SLC8A1: variants seen among roughly 807,000 people sequenced by gnomAD.
SLC8A1 encodes solute carrier family 8 member A1.
A neutral mutation model predicts 68.3 loss-of-function variants in SLC8A1; 18 were observed. That is an observed-to-expected ratio of 0.26 (90% CI 0.18 to 0.39). The LOEUF (loss-of-function observed/expected upper bound fraction) is 0.39. Among genes scored for constraint, SLC8A1 ranks in the 10% least tolerant of loss-of-function variants. SLC8A1 has a pLI of 1.00. For missense variants in SLC8A1, 985 were observed against 1,156.7 expected, an observed-to-expected ratio of 0.85 and a Z score of 2.15; for synonymous variants, 475 against 415.5, an observed-to-expected ratio of 1.14 and a Z score of -1.74.
intron 2 of SLC8A1, among the ~76,000 whole-genome samples, chr2:40,178,776 CAGAAAAACACAGATCACAATAATAAGAAA>C: frequency 6.6e-6 from 1 of 152,160 alleles, no homozygotes; most frequent in East Asian, 1.9e-4. Context: ...GGAGGAAAAG[CAGAAAAACACAGATCACAATAATAAGAAA>C]AGAAAAACAC....
intron 1 of SLC8A1, among the ~76,000 whole-genome samples, chr2:40,503,259 A>G (rs1384900421): frequency 6.6e-6 from 1 of 152,022 alleles, no homozygotes. Context: ...CTGCTCCCTC[A>G]ACCCACATCT....
chr2:40,142,965 TGA>T (rs1297482573), intron 6 of SLC8A1, among the ~76,000 whole-genome samples: 2 of 151,558 alleles, frequency 1.3e-5, no homozygotes, highest in Non-Finnish European at 2.9e-5. Flanking sequence ...TGTGTGTGTG[TGA>T]GAGCGAGAGA....
chr2:40,449,424 C>G (rs1022842924), intron 1 of SLC8A1, among the ~76,000 whole-genome samples: 3 of 152,242 alleles, frequency 2.0e-5, no homozygotes, highest in East Asian at 1.9e-4. Flanking sequence ...TTAAACATAG[C>G]TTTTTAACAG....
chr2:40,127,837 A>G (rs913658497), intron 7 of SLC8A1, among the ~76,000 whole-genome samples: 1 of 152,248 alleles, frequency 6.6e-6, no homozygotes, highest in Non-Finnish European at 1.5e-5. Flanking sequence ...AACCAAAATA[A>G]GCTGTTTTCT....
Position 40,504,488 on chromosome 2 carries a change from C to T in SLC8A1, c.-25+7861G>A, listed in dbSNP as rs1490495650. 2.0e-5 allele frequency among the ~76,000 whole-genome samples: 3 copies of T among 151,884 alleles called. No individual in the cohort carries two copies. In the East Asian group the frequency reaches 5.8e-4, roughly 29 times the overall value. On this transcript the variant is annotated intron_variant, in intron 1 of 7. Transcript: ENST00000402441. Reference sequence around the variant, plus strand: ...CACATCAATTTAAAAAGCTTCTGTACAGCAAATAATACAATCAACAAAGTG... The same window carrying T: ...CACATCAATTTAAAAAGCTTCTGTATAGCAAATAATACAATCAACAAAGTG...
At chr2:40,115,747 G>A (rs531921299) in intron 7 of SLC8A1, 118 bp from the exon 11 acceptor site, 2 of 1,349,442 alleles carry the variant, frequency 1.5e-6, no homozygotes, top group Non-Finnish European at 2.0e-6. Context: ...CAGTGACCAA[G>A]AAATGGCTTT....
chr2:40,495,032 A>C (rs1410961297), intron 1 of SLC8A1, among the ~76,000 whole-genome samples: 2 of 145,568 alleles, frequency 1.4e-5, no homozygotes, highest in Non-Finnish European at 2.9e-5. Context: ...TTTGGTACCC[A>C]AAAAAATCAT....
chr2:40,394,421 T>G (rs1338687289), intron 2 of SLC8A1, among the ~76,000 whole-genome samples: 1 of 151,926 alleles, frequency 6.6e-6, no homozygotes, highest in Non-Finnish European at 1.5e-5. Context: ...GTATATACTA[T>G]TTCTTTGTGG....
chr2:40,413,852 T>C (rs546352615), intron 2 of SLC8A1, among the ~76,000 whole-genome samples: 1 of 152,330 alleles, frequency 6.6e-6, no homozygotes, highest in South Asian at 2.1e-4. Context: ...AGAAGCATTA[T>C]GTTTTCTTAA....
At chr2:40,133,568 A>G (rs550036146) in intron 7 of SLC8A1, among the ~76,000 whole-genome samples, 1 of 152,058 alleles carries the variant, frequency 6.6e-6, no homozygotes, top group Non-Finnish European at 1.5e-5. Flanking sequence ...TATCATACCC[A>G]ATTTTTAAGC....
intron 2 of SLC8A1, among the ~76,000 whole-genome samples, chr2:40,410,028 G>A (rs1691610032): frequency 6.6e-6 from 1 of 151,920 alleles, no homozygotes; most frequent in Admixed American, 6.6e-5. Flanking sequence ...AGGGGAGAAG[G>A]AATACAGGGA....
intron 2 of SLC8A1, among the ~76,000 whole-genome samples, chr2:40,357,865 C>T (rs1032992642): frequency 6.6e-6 from 1 of 151,968 alleles, no homozygotes; most frequent in African/African-American, 2.4e-5. Context: ...TTTCATCTTT[C>T]CTGTTTCCTA....
intron 1 of SLC8A1, among the ~76,000 whole-genome samples, chr2:40,438,803 A>G (rs958267604): frequency 1.3e-5 from 2 of 152,106 alleles, no homozygotes; most frequent in African/African-American, 4.8e-5. Context: ...TCCAAATTTG[A>G]ATTTTAACAA....
intron 1 of SLC8A1, among the ~76,000 whole-genome samples, chr2:40,447,627 G>A (rs972216161): frequency 1.3e-5 from 2 of 150,320 alleles, no homozygotes; most frequent in African/African-American, 4.9e-5. Flanking sequence ...ATATGCTAAT[G>A]ATTTGTGAGA....
intron 2 of SLC8A1, among the ~76,000 whole-genome samples, chr2:40,239,270 C>A (rs1230146446): frequency 6.6e-6 from 1 of 152,168 alleles, no homozygotes; most frequent in Non-Finnish European, 1.5e-5. Context: ...ATTGCCCAAT[C>A]ACTACTCCTA....
At chr2:40,412,015 T>A (rs1301525610) in intron 2 of SLC8A1, among the ~76,000 whole-genome samples, 1 of 152,184 alleles carries the variant, frequency 6.6e-6, no homozygotes, top group Non-Finnish European at 1.5e-5. Flanking sequence ...AAATTTACTT[T>A]GTTTTTATAC....
chr2:40,280,238 A>G (rs2067311450), intron 2 of SLC8A1, among the ~76,000 whole-genome samples: 1 of 127,152 alleles, frequency 7.9e-6, no homozygotes, highest in African/African-American at 2.9e-5. Flanking sequence ...ATAAAACCTG[A>G]GGAAATAAAC....
chr2:40,506,722 T>A (rs1220081215), intron 1 of SLC8A1, among the ~76,000 whole-genome samples: 3 of 151,908 alleles, frequency 2.0e-5, no homozygotes, highest in African/African-American at 7.2e-5. Flanking sequence ...CCCCTGCCTG[T>A]AGTAGGGCAG....
intron 2 of SLC8A1, among the ~76,000 whole-genome samples, chr2:40,392,277 A>G (rs1403969395): frequency 3.3e-5 from 5 of 150,364 alleles, no homozygotes; most frequent in African/African-American, 9.8e-5. Flanking sequence ...AGCAAGCAAG[A>G]AAACCTAAAG....
Sources: allele counts gnomAD v4.1 joint callset (sites outside exome capture counted in the v4.1 genomes callset), GRCh38; gene constraint gnomAD v4.1.1; transcripts MANE v1.5; gene names NCBI Gene and HGNC (gene_info 2026-07-23, HGNC 2026-07-21).